The following FRAS1 variants were observed in gnomAD, a reference collection of about 807,000 sequenced individuals.
The protein encoded by FRAS1 is Fraser extracellular matrix complex subunit 1.
A neutral mutation model predicts 435.2 loss-of-function variants in FRAS1; 290 were observed. The observed-to-expected ratio is 0.67, with a 90% CI of 0.61 to 0.73. FRAS1 has a LOEUF of 0.73. Ranked by LOEUF, FRAS1 falls within the 30% of genes least tolerant of loss-of-function variation. The probability of loss-of-function intolerance (pLI) is 0.00; values close to 1 mark genes in which losing one functional copy is unlikely to be tolerated. For missense variants in FRAS1, 4,860 were observed against 5,001.5 expected (o/e 0.97, Z 0.85); for synonymous variants, 1,800 against 1,851.0 (o/e 0.97, Z 0.71).
chr4:78,218,134 A>ACACACAC (rs1471926143), intron 2 of FRAS1, among the ~76,000 whole-genome samples: 46 of 126,796 alleles, frequency 3.6e-4, no homozygotes, highest in Middle Eastern at 7.4e-3. Flanking sequence ...ACACACACAC[A>ACACACAC]AGTTGTATTT....
Position 78,521,648 on chromosome 4 carries a change from T to C in FRAS1, c.10648+18T>C. 1 of 1,514,676 alleles carries C rather than the reference T, an allele frequency of 6.6e-7. No homozygotes were observed. The highest frequency in any genetic ancestry group is 1.2e-5 in the South Asian group (1 of 84,606). 93.8% of individuals were successfully genotyped at this position (1,514,676 alleles called of 1,614,324 possible). A position where few individuals can be genotyped will look rare whatever the true frequency, so the allele number is the denominator to read the frequency against. On this transcript the variant is annotated intron_variant, in intron 68 of 73. Coordinates refer to ENST00000512123, the MANE Select transcript of FRAS1 (RefSeq NM_025074.7). Reference sequence around the variant, plus strand: ...ATTCAGAGGTAATATCAATGCCGTTTTTTTTTTCCAACTTTTTATTAAGAA... The same window carrying C: ...ATTCAGAGGTAATATCAATGCCGTTCTTTTTTTCCAACTTTTTATTAAGAA...
intron 70 of FRAS1, among the ~76,000 whole-genome samples, chr4:78,532,682 T>G (rs942294249): frequency 6.6e-6 from 1 of 152,212 alleles, no homozygotes; most frequent in Non-Finnish European, 1.5e-5. Context: ...TGGAGTTTTT[T>G]GTTCCCACCC....
intron 14 of FRAS1, among the ~76,000 whole-genome samples, chr4:78,293,677 G>A (rs1307927032): frequency 6.6e-6 from 1 of 152,178 alleles, no homozygotes; most frequent in Non-Finnish European, 1.5e-5. Context: ...TAGAATGTAA[G>A]TTTTTTTGAG....
At chr4:78,538,013 G>A (rs1721936185) in intron 72 of FRAS1, among the ~76,000 whole-genome samples, 1 of 151,750 alleles carries the variant, frequency 6.6e-6, no homozygotes, top group Admixed American at 6.6e-5. Context: ...GCTTTATGAG[G>A]CCAGATTTTC....
At chr4:78,520,969 A>G (rs1417505345) in intron 67 of FRAS1, among the ~76,000 whole-genome samples, 1 of 151,690 alleles carries the variant, frequency 6.6e-6, no homozygotes, top group Middle Eastern at 3.2e-3. Flanking sequence ...TCCTTACGTT[A>G]CTCTTTGGTT....
At chr4:78,387,752 C>A (rs1489025707) in intron 29 of FRAS1, 51 bp downstream of exon 29, 8 of 1,194,794 alleles carry the variant, frequency 6.7e-6, no homozygotes, top group Non-Finnish European at 8.1e-6. Context: ...ATGTGAACTT[C>A]TACGGTTGAT....
chr4:78,264,207 A>G (rs1441584260), intron 6 of FRAS1, among the ~76,000 whole-genome samples: 1 of 152,236 alleles, frequency 6.6e-6, no homozygotes, highest in East Asian at 1.9e-4. Context: ...ACTCTTTGGC[A>G]TTAATGAAAA....
chr4:78,144,074 CAG>C (rs1720312260), intron 2 of FRAS1, among the ~76,000 whole-genome samples: 1 of 151,526 alleles, frequency 6.6e-6, no homozygotes, highest in Admixed American at 6.6e-5. Flanking sequence ...ACATTTTGAG[CAG>C]AGTGATAAAA....
At chr4:78,267,520 A>C (rs1322137023) in intron 9 of FRAS1, 88 bp downstream of exon 9, 3 of 1,232,994 alleles carry the variant, frequency 2.4e-6, no homozygotes. Flanking sequence ...ACTTCTTGGC[A>C]GCAGCAGGGA....
intron 14 of FRAS1, among the ~76,000 whole-genome samples, chr4:78,307,239 C>T (rs1002320311): frequency 6.6e-5 from 10 of 152,224 alleles, no homozygotes; most frequent in African/African-American, 1.7e-4. Context: ...TCTCAAGCTG[C>T]GTGCTGGGAG....
At chr4:78,215,220 G>T (rs1723710677) in intron 2 of FRAS1, among the ~76,000 whole-genome samples, 1 of 151,842 alleles carries the variant, frequency 6.6e-6, no homozygotes, top group African/African-American at 2.4e-5. Flanking sequence ...ATTTTGAGAT[G>T]GAGTCTTGCT....
Position 78,315,746 on chromosome 4 carries a change from G to A in FRAS1, c.1819+12G>A. On this transcript the variant is annotated intron_variant, in intron 16 of 73. Coordinates refer to ENST00000512123, the MANE Select transcript of FRAS1 (RefSeq NM_025074.7). ...TGGCAGGTGCAAAGGTAAGAGATGG[G>A]TCACCATCATCATCATCAAAAAGTA... 6.2e-7 allele frequency: 1 copy of A among 1,613,680 alleles called. No homozygotes were observed. Among genetic ancestry groups the A allele is most frequent in the East Asian group, 2.2e-5 (1 of 44,872 alleles).
At chr4:78,475,366 C>A in intron 53 of FRAS1, 72 bp from the exon 54 acceptor site, 2 of 1,525,646 alleles carry the variant, frequency 1.3e-6, no homozygotes, top group Non-Finnish European at 1.8e-6. Context: ...ATGGAAGAGA[C>A]AGGCATTAAA....
At chr4:78,275,803 T>C (rs1406676190) in intron 9 of FRAS1, among the ~76,000 whole-genome samples, 1 of 152,210 alleles carries the variant, frequency 6.6e-6, no homozygotes, top group Non-Finnish European at 1.5e-5. Context: ...TTGGGGTTGC[T>C]CTTCTTGAGG....
intron 44 of FRAS1, among the ~76,000 whole-genome samples, chr4:78,448,910 C>CT (rs1718937564): frequency 6.6e-6 from 1 of 152,146 alleles, no homozygotes. Context: ...AGAAGTGGAC[C>CT]TTTTGCCCAG....
At chr4:78,515,234 A>G (rs1269786180) in intron 65 of FRAS1, among the ~76,000 whole-genome samples, 1 of 151,690 alleles carries the variant, frequency 6.6e-6, no homozygotes, top group Non-Finnish European at 1.5e-5. Flanking sequence ...TTAGTGACCT[A>G]TTTACTCACT....
In FRAS1 at chr4:78,537,192, C is replaced by T; in HGVS notation, c.11290C>T (p.Leu3764=). 6.2e-7 allele frequency: 1 copy of T among 1,613,686 alleles called. No individual in the cohort carries two copies. Among genetic ancestry groups the T allele is most frequent in the Non-Finnish European group, 8.5e-7 (1 of 1,179,774 alleles). The change falls in exon 72 of 74, where the codon CTG becomes TTG. Residue 3764 remains leucine (L), a synonymous_variant. Transcript: ENST00000512123. ...AAACAAACACCTAAAACACAGATTCCTGCTGTTGGTATGCTAAGTTCTCAC... is the reference window on the plus strand; with the variant it reads ...AAACAAACACCTAAAACACAGATTCTTGCTGTTGGTATGCTAAGTTCTCAC... ...QPNKHLKHRF[L]LLDRNQPEVT... is the part of the protein sequence containing the mutation.
chr4:78,160,911 G>T (rs925852258), intron 2 of FRAS1, among the ~76,000 whole-genome samples: 1 of 152,138 alleles, frequency 6.6e-6, no homozygotes, highest in East Asian at 1.9e-4. Context: ...GGCTGAGGTG[G>T]GTGGATCACT....
chr4:78,072,214 C>G (rs891013978), intron 2 of FRAS1: 3 of 152,028 alleles, frequency 2.0e-5, no homozygotes, highest in African/African-American at 7.2e-5. Flanking sequence ...AACTTCTGGT[C>G]TAATCTGTAG....
Sources: allele counts gnomAD v4.1 joint callset (sites outside exome capture counted in the v4.1 genomes callset), GRCh38; gene constraint gnomAD v4.1.1; transcripts MANE v1.5; gene names NCBI Gene and HGNC (gene_info 2026-07-23, HGNC 2026-07-21).